CHIC2: variants seen among roughly 807,000 people sequenced by gnomAD.
CHIC2 encodes cysteine rich hydrophobic domain 2.
A neutral mutation model predicts 25.9 loss-of-function variants in CHIC2; 14 were observed. That is an observed-to-expected ratio of 0.54 (90% CI 0.36 to 0.85). The LOEUF is 0.85. CHIC2 is among the 40% of genes least tolerant of loss of function. CHIC2 has a pLI of 0.01. For synonymous variants in CHIC2, 70 were observed against 72.0 expected (o/e 0.97, Z 0.14); for missense variants, 146 against 202.0 (o/e 0.72, Z 1.68).
chr4:54,091,413 G>A, the CHIC2 span, among the ~76,000 whole-genome samples: 2 of 151,824 alleles, frequency 1.3e-5, no homozygotes, highest in Non-Finnish European at 2.9e-5. Flanking sequence ...CTCTCTCTAC[G>A]CACGTTCTCA....
At position 54,021,505 on chromosome 4, in the gene CHIC2, G is replaced by C. The variant is rs551092843; in HGVS notation, c.331-7386C>G. 3.3e-5 allele frequency among the ~76,000 whole-genome samples: 5 copies of C among 151,990 alleles called. No homozygotes were observed. The East Asian group carries it at 7.8e-4, about 24-fold the overall frequency. On this transcript the variant is annotated intron_variant, in intron 3 of 5. Coordinates refer to ENST00000263921, the MANE Select transcript of CHIC2 (RefSeq NM_012110.4). ...AATTCTTCCTCAGCCTCTGCTCCCCGACCCTATAATCTTTTTATCAACTCC... is the reference window on the plus strand; with the variant it reads ...AATTCTTCCTCAGCCTCTGCTCCCCCACCCTATAATCTTTTTATCAACTCC...
chr4:54,058,411 A>G (rs899366606), intron 1 of CHIC2, among the ~76,000 whole-genome samples: 1 of 152,058 alleles, frequency 6.6e-6, no homozygotes, highest in Admixed American at 6.5e-5. Context: ...CAAAGACCAC[A>G]CTTTTTCCAC....
At chr4:54,062,797 T>C (rs1717376693) in intron 1 of CHIC2, among the ~76,000 whole-genome samples, 1 of 152,190 alleles carries the variant, frequency 6.6e-6, no homozygotes, top group South Asian at 2.1e-4. Context: ...AAAAAGGTCC[T>C]AAAAGTCAAA....
rs546348641 is a variant in CHIC2 at position 54,037,719 on chromosome 4, C to T, written c.330+11236G>A. ...ATATCACACCAAGTATATGCTTTAA[C>T]AGTAATAAAATTAAACTAGAAATCA... On this transcript the variant is annotated intron_variant, in intron 3 of 5. Coordinates refer to ENST00000263921, the MANE Select transcript of CHIC2 (RefSeq NM_012110.4). Among the ~76,000 whole-genome samples the T allele has an allele frequency of 3.3e-5, 5 of 152,206 alleles. No homozygotes were observed. The South Asian group carries it at 1.0e-3, about 32-fold the overall frequency.
intron 3 of CHIC2, among the ~76,000 whole-genome samples, chr4:54,034,607 A>ATAGGG (rs1370773222): frequency 6.6e-6 from 1 of 151,692 alleles, no homozygotes; most frequent in East Asian, 1.9e-4. Flanking sequence ...TTTTTTGTTG[A>ATAGGG]TAGGGTATAG....
chr4:54,062,151 T>C (rs571675521), intron 1 of CHIC2, among the ~76,000 whole-genome samples: 3 of 152,258 alleles, frequency 2.0e-5, no homozygotes, highest in South Asian at 2.1e-4. Flanking sequence ...GTAGCTGAGA[T>C]AGATTTTAAC....
At chr4:54,037,743 C>T (rs780686002) in intron 3 of CHIC2, among the ~76,000 whole-genome samples, 20 of 152,028 alleles carry the variant, frequency 1.3e-4, no homozygotes, top group Non-Finnish European at 2.6e-4. Context: ...AACTAGAAAT[C>T]AGTAACAGAA....
chr4:54,019,313 C>T (rs1379231358), intron 3 of CHIC2, among the ~76,000 whole-genome samples: 3 of 151,858 alleles, frequency 2.0e-5, no homozygotes, highest in African/African-American at 7.3e-5. Context: ...CATTAAAGCA[C>T]CTTTTAAAAT....
intron 3 of CHIC2, among the ~76,000 whole-genome samples, chr4:54,032,725 G>C (rs758765038): frequency 4.6e-5 from 7 of 152,164 alleles, no homozygotes; most frequent in Non-Finnish European, 1.0e-4. Context: ...CCATAGAAAT[G>C]CATTTAAGGA....
At chr4:54,052,709 A>T (rs922613191) in intron 1 of CHIC2, among the ~76,000 whole-genome samples, 3 of 152,200 alleles carry the variant, frequency 2.0e-5, no homozygotes, top group African/African-American at 7.2e-5. Context: ...ATTAAATTTT[A>T]AAAAATATTT....
At chr4:54,037,679 C>T (rs962763094) in intron 3 of CHIC2, among the ~76,000 whole-genome samples, 6 of 152,098 alleles carry the variant, frequency 3.9e-5, no homozygotes, top group Non-Finnish European at 7.4e-5. Flanking sequence ...AAATAAAACA[C>T]ATTTAAAAGA....
upstream of CHIC2, among the ~76,000 whole-genome samples, chr4:54,066,918 C>T (rs1046053354): frequency 2.0e-5 from 3 of 152,184 alleles, no homozygotes; most frequent in African/African-American, 7.2e-5. Flanking sequence ...AAACAGTGGC[C>T]AAGATAAGGG....
At chr4:54,049,452 C>G (rs1716937062) in intron 1 of CHIC2, 147 bp from the exon 2 acceptor site, 1 of 492,530 alleles carries the variant, frequency 2.0e-6, no homozygotes. Context: ...GATAAAATAA[C>G]TGTAACAAGC....
intron 3 of CHIC2, among the ~76,000 whole-genome samples, chr4:54,047,756 A>G (rs1463592348): frequency 1.3e-5 from 2 of 152,016 alleles, no homozygotes; most frequent in East Asian, 3.9e-4. Flanking sequence ...ATATGTAACT[A>G]ACCTGCACGT....
chr4:54,043,137 C>T (rs966773764), intron 3 of CHIC2, among the ~76,000 whole-genome samples: 1 of 151,998 alleles, frequency 6.6e-6, no homozygotes, highest in African/African-American at 2.4e-5. Context: ...GAAACCCTGT[C>T]TCGGCCAGGC....
chr4:54,030,635 T>C (rs546722155), intron 3 of CHIC2, among the ~76,000 whole-genome samples: 47 of 147,396 alleles, frequency 3.2e-4, no homozygotes, highest in African/African-American at 9.3e-4. Flanking sequence ...TATACACACA[T>C]ATATATATGT....
At chr4:54,043,420 C>CA (rs902677237) in intron 3 of CHIC2, among the ~76,000 whole-genome samples, 3,829 of 55,344 alleles carry the variant, frequency 0.069, 194 homozygotes, top group African/African-American at 0.19. Context: ...GACTCCATTT[C>CA]AAAAAAAAAA....
the CHIC2 span, among the ~76,000 whole-genome samples, chr4:54,084,714 C>G: frequency 1.3e-5 from 2 of 152,012 alleles, no homozygotes; most frequent in Non-Finnish European, 2.9e-5. Flanking sequence ...CCAGGGCAGA[C>G]AGGTCACTTG....
intron 3 of CHIC2, among the ~76,000 whole-genome samples, chr4:54,014,748 T>C (rs1220467719): frequency 6.6e-6 from 1 of 152,166 alleles, no homozygotes; most frequent in African/African-American, 2.4e-5. Context: ...AGGAATCAAC[T>C]GAGAATTTAC....
Sources: gnomAD v4.1 joint callset for allele counts (sites outside exome capture counted in the v4.1 genomes callset) on GRCh38, gnomAD v4.1.1 for gene constraint, MANE v1.5 for transcripts, NCBI Gene and HGNC (gene_info 2026-07-23, HGNC 2026-07-21) for gene names.